Variants in GRAMD1B observed in about 807,000 individuals in gnomAD.
GRAMD1B encodes the protein protein Aster-B.
In GRAMD1B, 37 loss-of-function variants were observed where a neutral mutation model predicts 99.7. The observed-to-expected ratio is 0.37, with a 90% CI of 0.29 to 0.49. GRAMD1B has a LOEUF of 0.49. Among genes scored for constraint, GRAMD1B ranks in the 20% least tolerant of loss-of-function variants. The pLI is 0.98. For missense variants in GRAMD1B, 888 were observed against 1,009.2 expected, an observed-to-expected ratio of 0.88 and a Z score of 1.63; for synonymous variants, 427 against 387.6, an observed-to-expected ratio of 1.10 and a Z score of -1.19.
intron 2 of GRAMD1B, among the ~76,000 whole-genome samples, chr11:123,547,763 C>T (rs1443563183): frequency 6.6e-6 from 1 of 152,134 alleles, no homozygotes; most frequent in Admixed American, 6.5e-5. Context: ...TAGGCCTTGC[C>T]GAGTATGATG....
At chr11:123,451,870 C>CT (rs1334403618) in intron 1 of GRAMD1B, among the ~76,000 whole-genome samples, 2 of 151,914 alleles carry the variant, frequency 1.3e-5, no homozygotes, top group East Asian at 1.9e-4. Flanking sequence ...GTGGTGTTCT[C>CT]TCGCCCAGGC....
chr11:123,578,528 C>T (rs1948984890), intron 3 of GRAMD1B: 6 of 848,848 alleles, frequency 7.1e-6, no homozygotes, highest in Non-Finnish European at 1.2e-5. Flanking sequence ...CGATTCTGGC[C>T]CTTATATCCT....
chr11:123,433,504 T>TA (rs1278932983), intron 1 of GRAMD1B, among the ~76,000 whole-genome samples: 1 of 152,124 alleles, frequency 6.6e-6, no homozygotes, highest in African/African-American at 2.4e-5. Context: ...CAAAATATGG[T>TA]AAAAAGAGCC....
intron 1 of GRAMD1B, among the ~76,000 whole-genome samples, chr11:123,463,165 C>T (rs1278588078): frequency 6.6e-6 from 1 of 152,150 alleles, no homozygotes; most frequent in African/African-American, 2.4e-5. Context: ...TGGGCCACCA[C>T]CACGCCTGAC....
Position 123,443,456 on chromosome 11 carries a change from G to C in GRAMD1B, c.374+12290G>C, listed in dbSNP as rs533510354. ...TTTTACACATTTTAGGGTGATGTAA[G>C]ACAATAATCAATACATGTGAGGTAT... On this transcript the variant is annotated intron_variant, in intron 1 of 19. Coordinates refer to ENST00000635736, the MANE Select transcript of GRAMD1B (RefSeq NM_001387025.1). Among the ~76,000 whole-genome samples, 8 of 152,344 alleles carry C rather than the reference G, an allele frequency of 5.3e-5. No homozygotes were observed. In the South Asian group the frequency reaches 1.7e-3, roughly 32 times the overall value.
At chr11:123,441,701 T>C (rs1284167903) in intron 1 of GRAMD1B, among the ~76,000 whole-genome samples, 1 of 151,722 alleles carries the variant, frequency 6.6e-6, no homozygotes, top group Non-Finnish European at 1.5e-5. Flanking sequence ...GAGGCAGAAG[T>C]GGGAAGATTA....
intron 1 of GRAMD1B, among the ~76,000 whole-genome samples, chr11:123,412,244 A>G (rs17127353): frequency 0.17 from 25,420 of 152,172 alleles, 2,829 homozygotes; most frequent in African/African-American, 0.33. Context: ...TGGTGTTTTG[A>G]TTGTTGTCAA....
upstream of GRAMD1B, among the ~76,000 whole-genome samples, chr11:123,427,557 T>C (rs1267542786): frequency 1.3e-5 from 2 of 152,184 alleles, no homozygotes; most frequent in African/African-American, 4.8e-5. Context: ...CTGTAGGGCA[T>C]TTCATATTTC....
At chr11:123,480,360 C>T (rs1337592520) in intron 1 of GRAMD1B, among the ~76,000 whole-genome samples, 1 of 152,088 alleles carries the variant, frequency 6.6e-6, no homozygotes, top group African/African-American at 2.4e-5. Flanking sequence ...AGTCTTCTGT[C>T]TTACCGGAAT....
At chr11:123,446,733 G>A (rs1230144733) in intron 1 of GRAMD1B, among the ~76,000 whole-genome samples, 13 of 152,034 alleles carry the variant, frequency 8.6e-5, no homozygotes, top group Admixed American at 7.9e-4. Flanking sequence ...CTTATTGTGC[G>A]CTTACTGGGA....
At chr11:123,448,593 T>C (rs1225019671) in intron 1 of GRAMD1B, among the ~76,000 whole-genome samples, 1 of 152,234 alleles carries the variant, frequency 6.6e-6, no homozygotes, top group Non-Finnish European at 1.5e-5. Flanking sequence ...ATTATTCCTG[T>C]CTGAGACCTC....
rs1159365794 is a variant in GRAMD1B, at chr11:123,492,856, T to C, written c.452+11963T>C. On this transcript the variant is annotated intron_variant, in intron 2 of 19. Transcript: ENST00000635736. The surrounding 1 kb of genome is among the most constrained non-coding windows in gnomAD (Gnocchi z 4.2). The stretch of plus-strand genomic sequence containing the variant: ...TCCTCTCTCTCTCTCTGTCTCTCTC[T>C]TTCACACATACACACACACACACAC... Among the ~76,000 whole-genome samples, 1 of 90,292 alleles carries C rather than the reference T, an allele frequency of 1.1e-5. No homozygotes were observed. The highest frequency in any genetic ancestry group is 2.0e-5 in the Non-Finnish European group (1 of 49,656). 59.2% of individuals were successfully genotyped at this position (90,292 alleles called of 152,430 possible).
At chr11:123,595,475 G>A (rs1951161438) in intron 6 of GRAMD1B, among the ~76,000 whole-genome samples, 1 of 151,956 alleles carries the variant, frequency 6.6e-6, no homozygotes, top group Non-Finnish European at 1.5e-5. Context: ...TATTTTTTAA[G>A]TAGAGACGGG....
At chr11:123,487,616 G>A (rs1201745179) in intron 2 of GRAMD1B, among the ~76,000 whole-genome samples, 1 of 152,012 alleles carries the variant, frequency 6.6e-6, no homozygotes, top group Non-Finnish European at 1.5e-5. Context: ...GTTTGATTTT[G>A]TTTTTTTAGA....
intron 9 of GRAMD1B, 91 bp downstream of exon 9, chr11:123,603,632 G>C: frequency 1.3e-6 from 1 of 773,336 alleles, no homozygotes; most frequent in Non-Finnish European, 2.3e-6. Flanking sequence ...ACACATGCCT[G>C]TGCAGCCATG....
chr11:123,477,422 C>G (rs1000822484), intron 1 of GRAMD1B, among the ~76,000 whole-genome samples: 1 of 151,060 alleles, frequency 6.6e-6, no homozygotes, highest in Non-Finnish European at 1.5e-5. Flanking sequence ...TGTCACTGGA[C>G]TAGCTGTCTT....
intron 2 of GRAMD1B, among the ~76,000 whole-genome samples, chr11:123,551,718 C>A (rs1945635270): frequency 1.3e-5 from 2 of 152,154 alleles, no homozygotes; most frequent in South Asian, 4.1e-4. Context: ...TAAAGGTCCC[C>A]AGCCCCATTT....
intron 16 of GRAMD1B, among the ~76,000 whole-genome samples, chr11:123,614,483 C>T (rs955930965): frequency 8.5e-5 from 13 of 152,180 alleles, no homozygotes; most frequent in Admixed American, 6.5e-4. Flanking sequence ...ATCCCTTTGT[C>T]CTGGGCCTGT....
chr11:123,394,540 C>G (rs1947391205), intron 1 of GRAMD1B, among the ~76,000 whole-genome samples: 1 of 150,002 alleles, frequency 6.7e-6, no homozygotes, highest in Non-Finnish European at 1.5e-5. Context: ...TCCTTCCCTT[C>G]TTTCTCCCAT....
Sources: allele counts gnomAD v4.1 joint callset (sites outside exome capture counted in the v4.1 genomes callset), GRCh38; gene constraint gnomAD v4.1.1; non-coding constraint Gnocchi (gnomAD v3.1); transcripts MANE v1.5; gene names NCBI Gene and HGNC (gene_info 2026-07-23, HGNC 2026-07-21).